Variants in JCAD observed in about 807,000 individuals in gnomAD.
JCAD encodes the protein junctional cadherin 5 associated.
JCAD carries 40 observed loss-of-function variants against 98.0 expected under a neutral mutation model. That is an observed-to-expected ratio of 0.41 (90% CI 0.32 to 0.53). JCAD has a LOEUF of 0.53. JCAD is among the 20% of genes least tolerant of loss of function. The pLI is 0.31. For synonymous variants in JCAD, 691 were observed against 682.3 expected (o/e 1.01, Z -0.20); for missense variants, 1,705 against 1,738.1 (o/e 0.98, Z 0.34).
intron 1 of JCAD, among the ~76,000 whole-genome samples, chr10:30,086,085 T>A (rs1240167334): frequency 6.6e-6 from 1 of 152,074 alleles, no homozygotes; most frequent in East Asian, 1.9e-4. Context: ...CACCAAAAAT[T>A]AAAATTAATT....
In JCAD at chr10:30,027,562, A is replaced by T; in HGVS notation, c.2586T>A (p.Ser862Arg). The T allele has an allele frequency of 6.2e-7, 1 of 1,613,634 alleles. No homozygotes were observed. Residue 862 changes from serine to arginine, a missense_variant, in exon 3 of 4, where the codon AGT (serine) becomes AGA (arginine). Ser to Arg is a moderately radical substitution (Grantham distance 110). Around this residue, in one of 3 missense-constraint regions of JCAD, gnomAD observed 1,278 missense variants for 1,243.1 expected, o/e 1.03. Coordinates refer to ENST00000375377, the MANE Select transcript of JCAD (RefSeq NM_020848.4). ...GGTTCTCCTGCTGCGGCTCCGCCTCACTCTCCTCACTGCTGCTGCTGCTGC... is the reference window on the plus strand; with the variant it reads ...GGTTCTCCTGCTGCGGCTCCGCCTCTCTCTCCTCACTGCTGCTGCTGCTGC... ...SSSSSSSSEE[S>R]EAEPQQENRA...
intron 1 of JCAD, among the ~76,000 whole-genome samples, chr10:30,055,632 G>A (rs150611466): frequency 1.3e-5 from 2 of 152,338 alleles, no homozygotes; most frequent in African/African-American, 4.8e-5. Flanking sequence ...TGCCAAGGCA[G>A]TCAAGTTGTT....
intron 1 of JCAD, among the ~76,000 whole-genome samples, chr10:30,102,752 C>T (rs539891877): frequency 2.5e-4 from 38 of 152,310 alleles, no homozygotes; most frequent in Non-Finnish European, 4.1e-4. Flanking sequence ...TAAACACATA[C>T]CCAAGACTGG....
At chr10:30,092,080 T>A (rs1838286215) in intron 1 of JCAD, among the ~76,000 whole-genome samples, 2 of 58,826 alleles carry the variant, frequency 3.4e-5, no homozygotes, top group Non-Finnish European at 6.1e-5. Context: ...TATATATATA[T>A]ATATATATAA....
At position 30,016,705 on chromosome 10, in the gene JCAD, C is replaced by G. The variant is rs1836542253; in HGVS notation, c.*1178G>C. 1 of 151,944 alleles carries G rather than the reference C, an allele frequency of 6.6e-6. No homozygotes were observed. The highest frequency in any genetic ancestry group is 6.6e-5 in the Admixed American group (1 of 15,244). 9.4% of individuals were successfully genotyped at this position (151,944 alleles called of 1,614,324 possible). On this transcript the variant is annotated 3_prime_UTR_variant, in exon 4 of 4. Coordinates refer to ENST00000375377, the MANE Select transcript of JCAD (RefSeq NM_020848.4). ...AAAAGCATGGTCTCAGGGTAGATCC[C>G]CACACACATACAAAGATAAAACTAT...
intron 2 of JCAD, among the ~76,000 whole-genome samples, chr10:30,040,557 T>C (rs974343493): frequency 1.3e-5 from 2 of 152,192 alleles, no homozygotes; most frequent in African/African-American, 2.4e-5. Flanking sequence ...TCAACAAATA[T>C]TTATGGAGTA....
At chr10:30,047,449 A>G (rs1837364837) in intron 2 of JCAD, 83 bp downstream of exon 2, 2 of 1,475,780 alleles carry the variant, frequency 1.4e-6, no homozygotes, top group East Asian at 4.5e-5. Context: ...GGCCAAATAT[A>G]GATTTGAAAG....
chr10:30,056,162 G>A lies in JCAD; in HGVS notation c.-60+3320C>T, dbSNP rs553196765. On this transcript the variant is annotated intron_variant, in intron 1 of 3. Coordinates refer to ENST00000375377, the MANE Select transcript of JCAD (RefSeq NM_020848.4). The stretch of plus-strand genomic sequence containing the variant: ...AAATAGCTGTAAAACATCATCATAG[G>A]TTAGAGTTTTATTCCCTTATCATCA... Among the ~76,000 whole-genome samples the A allele has an allele frequency of 3.9e-5, 6 of 152,158 alleles. No individual in the cohort carries two copies. The South Asian group carries it at 1.2e-3, about 32-fold the overall frequency.
In JCAD at chr10:30,090,555, AAGGAG is replaced by A. The variant is rs750210588; in HGVS notation, n.129-20739_129-20735del. On this transcript the variant is annotated intron_variant and non_coding_transcript_variant, in intron 1 of 2. Transcript: ENST00000465712. ...GACTCTGTCTCAGGAAAGGAAAGGA[AAGGAG>A]AGGAGAGGGGAGGGGAGGGGAGGGG... 4.8e-5 allele frequency among the ~76,000 whole-genome samples: 7 copies of A among 144,438 alleles called. No homozygotes were observed. The East Asian group carries it at 1.3e-3, about 28-fold the overall frequency. The allele number at this position is 144,438 out of a possible 152,430, so 94.8% of individuals were successfully genotyped here.
intron 1 of JCAD, among the ~76,000 whole-genome samples, chr10:30,092,050 A>AT (rs1838279346): frequency 4.6e-4 from 14 of 30,582 alleles, no homozygotes; most frequent in African/African-American, 2.0e-3. Context: ...AAAAAAAAAA[A>AT]AAAAAAAAAA....
At chr10:30,018,562 G>A (rs908188855) in intron 3 of JCAD, among the ~76,000 whole-genome samples, 3 of 152,028 alleles carry the variant, frequency 2.0e-5, no homozygotes, top group African/African-American at 4.8e-5. Context: ...TTCTACTGCC[G>A]TCAATGGAAA....
chr10:30,057,096 G>C (rs1837586522), intron 1 of JCAD, among the ~76,000 whole-genome samples: 1 of 152,214 alleles, frequency 6.6e-6, no homozygotes, highest in African/African-American at 2.4e-5. Flanking sequence ...CAGAGAGATA[G>C]TCTTTGCTTA....
chr10:30,070,632 A>G (rs375458745), intron 1 of JCAD, among the ~76,000 whole-genome samples: 41 of 152,218 alleles, frequency 2.7e-4, no homozygotes, highest in African/African-American at 8.2e-4. Context: ...AGGTTACTGT[A>G]ACTAACTGGT....
chr10:30,107,743 T>C (rs896654963), intron 1 of JCAD, among the ~76,000 whole-genome samples: 1 of 152,180 alleles, frequency 6.6e-6, no homozygotes, highest in Non-Finnish European at 1.5e-5. Flanking sequence ...GGGACCCCTT[T>C]CAAGTAACAT....
chr10:30,025,931 T>A (rs1836781894), intron 3 of JCAD, 172 bp downstream of exon 3: 2 of 744,604 alleles, frequency 2.7e-6, no homozygotes, highest in Admixed American at 5.6e-5. Context: ...ATTTTAAAGA[T>A]GGCTTCTGGA....
chr10:30,074,051 G>A (rs1345978684), intron 1 of JCAD, among the ~76,000 whole-genome samples: 1 of 152,250 alleles, frequency 6.6e-6, no homozygotes, highest in East Asian at 1.9e-4. Flanking sequence ...GAAGAGGGCA[G>A]TAAAAGCTGG....
At chr10:30,062,551 T>C (rs570821048), upstream of JCAD, among the ~76,000 whole-genome samples, 229 of 152,214 alleles carry the variant, frequency 1.5e-3, 1 homozygote, top group South Asian at 4.1e-3. Context: ...TCTATTCCCA[T>C]GCTGCTAATA....
intron 1 of JCAD, among the ~76,000 whole-genome samples, chr10:30,114,578 TAAAAAA>T (rs11360136): frequency 4.0e-5 from 5 of 124,680 alleles, no homozygotes; most frequent in Admixed American, 8.2e-5. Context: ...ACAGCACAAT[TAAAAAA>T]AAAAAAAAAA....
intron 2 of JCAD, among the ~76,000 whole-genome samples, chr10:30,037,818 C>T (rs1007724388): frequency 1.3e-5 from 2 of 151,914 alleles, no homozygotes; most frequent in African/African-American, 4.8e-5. Flanking sequence ...TGGAAAGGCA[C>T]CCACTGATAT....
Sources: allele counts gnomAD v4.1 joint callset (sites outside exome capture counted in the v4.1 genomes callset), GRCh38; gene constraint gnomAD v4.1.1; regional missense constraint gnomAD v4.1.1; transcripts MANE v1.5; gene names NCBI Gene and HGNC (gene_info 2026-07-23, HGNC 2026-07-21).